RAPGEF2: variants seen among roughly 807,000 people sequenced by gnomAD.
RAPGEF2 encodes the protein Rap guanine nucleotide exchange factor 2.
A neutral mutation model predicts 186.7 loss-of-function variants in RAPGEF2; 54 were observed. That is an observed-to-expected ratio of 0.29 (90% CI 0.23 to 0.36). RAPGEF2 has a LOEUF of 0.36. RAPGEF2 is among the 10% of genes least tolerant of loss of function. The pLI, the probability that RAPGEF2 is intolerant of heterozygous loss-of-function variation, is 1.00. For synonymous variants in RAPGEF2, 712 were observed against 705.9 expected (o/e 1.01, Z -0.14); for missense variants, 1,532 against 2,045.0 (o/e 0.75, Z 4.84).
At chr4:159,315,376 G>T (rs535664378) in intron 9 of RAPGEF2, among the ~76,000 whole-genome samples, 173 of 148,268 alleles carry the variant, frequency 1.2e-3, no homozygotes, top group African/African-American at 4.2e-3. Context: ...GTGTCATGGG[G>T]GTTTGTTGTA....
intron 9 of RAPGEF2, among the ~76,000 whole-genome samples, chr4:159,315,751 T>A (rs1486248148): frequency 3.3e-5 from 5 of 152,302 alleles, no homozygotes; most frequent in Non-Finnish European, 7.4e-5. Flanking sequence ...GAAAGACAGC[T>A]AATGCCATTA....
At chr4:159,348,282 GGATA>G (rs928813197) in intron 25 of RAPGEF2, among the ~76,000 whole-genome samples, 28 of 120,510 alleles carry the variant, frequency 2.3e-4, no homozygotes, top group Middle Eastern at 4.7e-3. Context: ...ATGGATGGAT[GGATA>G]GATAGATAAA....
intron 7 of RAPGEF2, among the ~76,000 whole-genome samples, chr4:159,260,526 G>A (rs1174238931): frequency 1.3e-5 from 2 of 152,102 alleles, no homozygotes; most frequent in Non-Finnish European, 1.5e-5. Context: ...TTAAGAGTGT[G>A]AAAGGATTTA....
chr4:159,211,725 T>C (rs1230394635), intron 4 of RAPGEF2, among the ~76,000 whole-genome samples: 4 of 152,242 alleles, frequency 2.6e-5, no homozygotes, highest in Admixed American at 2.6e-4. Context: ...GCACGTTGCA[T>C]TTAATTAAAA....
intron 1 of RAPGEF2, among the ~76,000 whole-genome samples, chr4:159,119,239 A>G (rs557436294): frequency 6.6e-6 from 1 of 152,178 alleles, no homozygotes. Flanking sequence ...TGAGTCTTCT[A>G]TTTAGCAAGC....
chr4:159,211,068 A>G (rs1750476316), intron 4 of RAPGEF2, among the ~76,000 whole-genome samples: 4 of 152,210 alleles, frequency 2.6e-5, no homozygotes, highest in Admixed American at 2.6e-4. Flanking sequence ...TGGATTGGCT[A>G]CCTGCTCTGT....
intron 3 of RAPGEF2, among the ~76,000 whole-genome samples, chr4:159,206,189 C>T (rs558119927): frequency 1.1e-4 from 16 of 152,208 alleles, no homozygotes; most frequent in African/African-American, 1.4e-4. Context: ...CTCTGCCTTC[C>T]GAAGTGCTGG....
At chr4:159,296,523 C>T (rs1045203383) in intron 7 of RAPGEF2, among the ~76,000 whole-genome samples, 6 of 152,222 alleles carry the variant, frequency 3.9e-5, no homozygotes, top group African/African-American at 1.2e-4. Flanking sequence ...AGCCGTTCAT[C>T]TGGGGCTGGA....
chr4:159,350,190 A>C lies in RAPGEF2; in HGVS notation c.3766A>C (p.Ser1256Arg), dbSNP rs751315457. The C allele has an allele frequency of 2.5e-6, 4 of 1,590,890 alleles. No individual in the cohort carries two copies. Among genetic ancestry groups the C allele is most frequent in the Non-Finnish European group, 8.6e-7 (1 of 1,168,218 alleles). ...AATTCTTTCTTTGTCTGAAGAAGGA[A>C]GTTTGGAACGTCACAAGAAACAGGC... ...KKILSLSEEGSLERHKKQAED... is the reference protein window; with the variant it reads ...KKILSLSEEGRLERHKKQAED... Residue 1256 changes from serine (S) to arginine (R), a missense_variant, in exon 26 of 30, where the codon AGT (serine) becomes CGT (arginine). Transcript: ENST00000691494.
At chr4:159,152,141 G>A (rs1427042344) in intron 1 of RAPGEF2, among the ~76,000 whole-genome samples, 1 of 152,116 alleles carries the variant, frequency 6.6e-6, no homozygotes, top group Non-Finnish European at 1.5e-5. Context: ...GGGCAACATG[G>A]CAAAACCTCG....
chr4:159,201,591 A>G (rs1488018109), intron 3 of RAPGEF2, among the ~76,000 whole-genome samples: 1 of 152,180 alleles, frequency 6.6e-6, no homozygotes, highest in Non-Finnish European at 1.5e-5. Context: ...TAAGCTGGCC[A>G]GAAGTCTGTA....
At chr4:159,342,473 A>C (rs190348516) in intron 20 of RAPGEF2, among the ~76,000 whole-genome samples, 34 of 151,428 alleles carry the variant, frequency 2.2e-4, no homozygotes, top group African/African-American at 7.3e-4. Flanking sequence ...TGATTATTAA[A>C]TTAGTCATTT....
At chr4:159,348,631 G>A (rs1409816789) in intron 25 of RAPGEF2, among the ~76,000 whole-genome samples, 1 of 151,840 alleles carries the variant, frequency 6.6e-6, no homozygotes, top group African/African-American at 2.4e-5. Context: ...AGTCTGTATC[G>A]TCTTTATGCA....
At chr4:159,304,195 A>C in intron 7 of RAPGEF2, 147 bp from the exon 8 acceptor site, 1 of 706,344 alleles carries the variant, frequency 1.4e-6, no homozygotes. Flanking sequence ...GGTAAATAAG[A>C]CAATATTTAG....
intron 7 of RAPGEF2, among the ~76,000 whole-genome samples, chr4:159,273,726 G>A (rs1758484653): frequency 6.9e-6 from 1 of 145,066 alleles, no homozygotes; most frequent in Non-Finnish European, 1.5e-5. Context: ...TATATAAAAT[G>A]CATCAAAGTA....
chr4:159,261,313 T>C (rs1009767446), intron 7 of RAPGEF2, among the ~76,000 whole-genome samples: 6 of 152,158 alleles, frequency 3.9e-5, no homozygotes, highest in South Asian at 2.1e-4. Flanking sequence ...TCGCCCACCT[T>C]GACCTCCCAA....
In RAPGEF2 at chr4:159,353,743, T is replaced by C. The variant is rs756944086; in HGVS notation, c.4348T>C (p.Trp1450Arg). The change falls in exon 28 of 30, where the codon TGG becomes CGG. Residue 1450 changes from tryptophan (W) to arginine (R), a missense_variant. Transcript: ENST00000691494. This position sits in a 1 kb window ranked among gnomAD's most constrained non-coding sequence, Gnocchi z 4.3. ...FDYSGDPAGL[W>R]ASSSHMDQIM... ...TTATTCAGGGGATCCTGCAGGTTTA[T>C]GGGCATCAAGCAGCCATATGGACCA... 2 of 1,612,844 alleles carry C rather than the reference T, an allele frequency of 1.2e-6. No individual in the cohort carries two copies. Among genetic ancestry groups the C allele is most frequent in the Non-Finnish European group, 1.7e-6 (2 of 1,179,480 alleles).
chr4:159,324,179 G>A (rs2111165331), intron 11 of RAPGEF2, among the ~76,000 whole-genome samples: 1 of 152,186 alleles, frequency 6.6e-6, no homozygotes, highest in South Asian at 2.1e-4. Flanking sequence ...ACAGGTGTGA[G>A]CCACTGCGCC....
At chr4:159,157,329 G>A (rs1744233414) in intron 1 of RAPGEF2, among the ~76,000 whole-genome samples, 1 of 152,028 alleles carries the variant, frequency 6.6e-6, no homozygotes, top group South Asian at 2.1e-4. Flanking sequence ...AGGGTGTACC[G>A]TTCAGTGGTG....
Sources: gnomAD v4.1 joint callset for allele counts (sites outside exome capture counted in the v4.1 genomes callset) on GRCh38, gnomAD v4.1.1 for gene constraint, Gnocchi (gnomAD v3.1) non-coding constraint, MANE v1.5 for transcripts, NCBI Gene and HGNC (gene_info 2026-07-23, HGNC 2026-07-21) for gene names.